Variants in NKAIN3 observed in about 807,000 individuals in gnomAD.
NKAIN3 encodes sodium/potassium-transporting ATPase subunit beta-1-interacting protein 3.
Under a neutral mutation model 30.2 loss-of-function variants are expected in NKAIN3, and 25 were observed. That is an observed-to-expected ratio of 0.83 (90% CI 0.60 to 1.16). The LOEUF (loss-of-function observed/expected upper bound fraction) is 1.16, where lower values mean the gene tolerates loss of function less well. Ranked by LOEUF, NKAIN3 falls within the 50% of genes most tolerant of loss-of-function variation. The probability of loss-of-function intolerance (pLI) is 0.00; values close to 1 mark genes in which losing one functional copy is unlikely to be tolerated. For missense variants in NKAIN3, 225 were observed against 254.1 expected (o/e 0.89, Z 0.78); for synonymous variants, 91 against 89.6 (o/e 1.02, Z -0.09).
chr8:62,936,741 A>T (rs1822799675), intron 5 of NKAIN3, among the ~76,000 whole-genome samples: 1 of 151,988 alleles, frequency 6.6e-6, no homozygotes, highest in South Asian at 2.1e-4. Context: ...TCTACATTCC[A>T]CTTCCCCCAT....
At chr8:62,877,964 C>T (rs189044893) in intron 4 of NKAIN3, among the ~76,000 whole-genome samples, 214 of 146,964 alleles carry the variant, frequency 1.5e-3, no homozygotes, top group African/African-American at 5.2e-3. Context: ...CACTTGAACC[C>T]GAGAGGCAGA....
At position 62,974,823 on chromosome 8, in the gene NKAIN3, G is replaced by C. The variant is rs1323100412; in HGVS notation, c.*9416G>C. The stretch of plus-strand genomic sequence containing the variant: ...TTGTCATAACAGCTCTTATTATTTT[G>C]AGATATGTTCCATCAATACCTAGTT... On this transcript the variant is annotated 3_prime_UTR_variant, in exon 7 of 7. Coordinates refer to ENST00000623646, the MANE Select transcript of NKAIN3 (RefSeq NM_001304533.3). 6.6e-6 allele frequency among the ~76,000 whole-genome samples: 1 copy of C among 152,132 alleles called. No individual in the cohort carries two copies. The highest frequency in any genetic ancestry group is 2.4e-5 in the African/African-American group (1 of 41,416).
At chr8:62,904,516 C>A (rs995264768) in intron 4 of NKAIN3, among the ~76,000 whole-genome samples, 1 of 152,102 alleles carries the variant, frequency 6.6e-6, no homozygotes, top group Non-Finnish European at 1.5e-5. Flanking sequence ...AGCAAGGCAG[C>A]AAAAATCTGG....
At chr8:62,446,006 A>G (rs1004477310) in intron 1 of NKAIN3, among the ~76,000 whole-genome samples, 5 of 152,208 alleles carry the variant, frequency 3.3e-5, no homozygotes, top group African/African-American at 1.2e-4. Context: ...GCAAGAAATG[A>G]TGGTGTTATG....
At chr8:62,549,794 AC>A (rs1339493297) in intron 1 of NKAIN3, among the ~76,000 whole-genome samples, 1 of 151,482 alleles carries the variant, frequency 6.6e-6, no homozygotes, top group Admixed American at 6.6e-5. Context: ...TTCCAAACTT[AC>A]TAAGGTGATA....
intron 1 of NKAIN3, among the ~76,000 whole-genome samples, chr8:62,444,970 A>G (rs988079380): frequency 2.6e-5 from 4 of 151,758 alleles, no homozygotes; most frequent in Non-Finnish European, 5.9e-5. Context: ...TTTTTTTGAC[A>G]GAGTCTCGCT....
At chr8:62,526,878 C>G (rs1808319994) in intron 1 of NKAIN3, among the ~76,000 whole-genome samples, 1 of 152,126 alleles carries the variant, frequency 6.6e-6, no homozygotes, top group African/African-American at 2.4e-5. Context: ...ACAAAGGTCT[C>G]TGACACCACC....
intron 1 of NKAIN3, among the ~76,000 whole-genome samples, chr8:62,463,747 C>A (rs1191294533): frequency 6.6e-6 from 1 of 152,080 alleles, no homozygotes; most frequent in East Asian, 1.9e-4. Flanking sequence ...CAGACTCTCT[C>A]TATATTATGT....
At chr8:62,636,832 A>C (rs1228661433) in intron 3 of NKAIN3, among the ~76,000 whole-genome samples, 1 of 152,232 alleles carries the variant, frequency 6.6e-6, no homozygotes, top group Non-Finnish European at 1.5e-5. Context: ...GTATAATAAT[A>C]GTAATTAGTG....
chr8:62,298,010 C>T (rs1585650045), intron 1 of NKAIN3, among the ~76,000 whole-genome samples: 1 of 152,030 alleles, frequency 6.6e-6, no homozygotes, highest in East Asian at 1.9e-4. Context: ...ATGATGAGTT[C>T]ATGTCCTTTG....
At chr8:62,767,455 A>G (rs1314269186) in intron 4 of NKAIN3, among the ~76,000 whole-genome samples, 1 of 152,170 alleles carries the variant, frequency 6.6e-6, no homozygotes, top group African/African-American at 2.4e-5. Context: ...AGACACACGC[A>G]GATACAGACA....
intron 4 of NKAIN3, chr8:62,857,068 G>A (rs755238890): frequency 6.3e-6 from 3 of 477,738 alleles, no homozygotes; most frequent in African/African-American, 2.0e-5. Flanking sequence ...TTTGTAATAC[G>A]ACTCCCACCT....
chr8:62,818,244 G>C (rs957519677), intron 4 of NKAIN3, among the ~76,000 whole-genome samples: 1 of 152,132 alleles, frequency 6.6e-6, no homozygotes, highest in Non-Finnish European at 1.5e-5. Flanking sequence ...AGAGGGGAAA[G>C]CCAAATGAAG....
chr8:62,563,699 A>G (rs1461636241), intron 1 of NKAIN3, among the ~76,000 whole-genome samples: 5 of 152,192 alleles, frequency 3.3e-5, no homozygotes, highest in African/African-American at 9.6e-5. Context: ...CAGTGATTAA[A>G]ATAATCTCTC....
intron 4 of NKAIN3, among the ~76,000 whole-genome samples, chr8:62,845,001 A>G (rs1044353202): frequency 2.0e-5 from 3 of 151,982 alleles, no homozygotes; most frequent in African/African-American, 4.8e-5. Flanking sequence ...GGCAGTTTAG[A>G]TGAAATAATG....
chr8:62,959,824 C>T (rs988142990), intron 6 of NKAIN3, among the ~76,000 whole-genome samples: 6 of 152,134 alleles, frequency 3.9e-5, no homozygotes, highest in Non-Finnish European at 2.9e-5. Context: ...CTTCATGAGG[C>T]GTTAACTTTC....
intron 4 of NKAIN3, among the ~76,000 whole-genome samples, chr8:62,897,029 A>G (rs1172353872): frequency 6.9e-5 from 6 of 87,098 alleles, no homozygotes; most frequent in Non-Finnish European, 1.2e-4. Context: ...ATAAGGGAGA[A>G]CTACACATTT....
intron 4 of NKAIN3, among the ~76,000 whole-genome samples, chr8:62,839,507 C>T (rs1467922790): frequency 1.3e-5 from 2 of 152,090 alleles, no homozygotes; most frequent in Non-Finnish European, 2.9e-5. Context: ...GTAGAGACCT[C>T]ATGATTTGGT....
intron 1 of NKAIN3, among the ~76,000 whole-genome samples, chr8:62,421,458 A>G (rs1804638377): frequency 6.6e-6 from 1 of 152,130 alleles, no homozygotes; most frequent in African/African-American, 2.4e-5. Context: ...GTACTTTGGC[A>G]GTGCAGGAGA....
Sources: allele counts gnomAD v4.1 joint callset (sites outside exome capture counted in the v4.1 genomes callset), GRCh38; gene constraint gnomAD v4.1.1; transcripts MANE v1.5; gene names NCBI Gene and HGNC (gene_info 2026-07-23, HGNC 2026-07-21).